SCN8A: variants seen among roughly 807,000 people sequenced by gnomAD.
SCN8A encodes sodium voltage-gated channel alpha subunit 8.
SCN8A carries 30 observed loss-of-function variants against 184.1 expected under a neutral mutation model. That is an observed-to-expected ratio of 0.16 (90% CI 0.12 to 0.22). SCN8A has a LOEUF of 0.22. SCN8A is among the 10% of genes least tolerant of loss of function. The pLI is 1.00. For missense variants in SCN8A, 1,057 were observed against 2,498.9 expected, an observed-to-expected ratio of 0.42 and a Z score of 12.30; for synonymous variants, 852 against 907.0, an observed-to-expected ratio of 0.94 and a Z score of 1.09.
At chr12:51,769,476 C>A in intron 17 of SCN8A, 141 bp downstream of exon 17, 1 of 635,670 alleles carries the variant, frequency 1.6e-6, no homozygotes, top group Non-Finnish European at 2.7e-6. Flanking sequence ...TTCCACCATC[C>A]CAGTATCATT....
chr12:51,628,222 A>G (rs1940121832), intron 1 of SCN8A, among the ~76,000 whole-genome samples: 1 of 152,234 alleles, frequency 6.6e-6, no homozygotes, highest in African/African-American at 2.4e-5. Context: ...AGTAAAGGTC[A>G]AATTGGTAAA....
intron 11 of SCN8A, chr12:51,712,989 C>T: frequency 6.3e-7 from 1 of 1,589,734 alleles, no homozygotes; most frequent in Non-Finnish European, 8.6e-7. Flanking sequence ...CGGACTGCAT[C>T]TCTTGTTTAG....
At chr12:51,701,531 G>A (rs1406711639) in intron 8 of SCN8A, among the ~76,000 whole-genome samples, 1 of 152,166 alleles carries the variant, frequency 6.6e-6, no homozygotes, top group Non-Finnish European at 1.5e-5. Context: ...TACCATCTTA[G>A]TGATGGTTAT....
At position 51,751,896 on chromosome 12, in the gene SCN8A, G is replaced by T. The variant is rs552957763; in HGVS notation, c.2370+303G>T. Among the ~76,000 whole-genome samples the T allele has an allele frequency of 3.3e-5, 5 of 152,230 alleles. No individual in the cohort carries two copies. The South Asian group carries it at 8.3e-4, about 25-fold the overall frequency. Reference sequence around the variant, plus strand: ...CAGCAGCCTGAGCCAAGTACTTCTGGTTTTTTTCCTCATTCTGTTTCTCAC... The same window carrying T: ...CAGCAGCCTGAGCCAAGTACTTCTGTTTTTTTTCCTCATTCTGTTTCTCAC... On this transcript the variant is annotated intron_variant, in intron 14 of 26. Transcript: ENST00000627620.
intron 26 of SCN8A, among the ~76,000 whole-genome samples, chr12:51,798,223 C>T (rs1163284319): frequency 6.6e-6 from 1 of 152,194 alleles, no homozygotes; most frequent in Admixed American, 6.5e-5. Context: ...CAGTGAATTC[C>T]ATGAGCATGA....
Position 51,706,673 on chromosome 12 carries a change from G to C in SCN8A, c.1593G>C (p.Leu531=). The C allele has an allele frequency of 6.3e-7, 1 of 1,592,380 alleles. No individual in the cohort carries two copies. The highest frequency in any genetic ancestry group is 8.5e-7 in the Non-Finnish European group (1 of 1,170,480). The change falls in exon 11 of 27, where the codon CTG becomes CTC. Residue 531 remains leucine, a synonymous_variant. Transcript: ENST00000627620. The stretch of plus-strand genomic sequence containing the variant: ...GCATGAGAAGGAAGGCCTTTCGGCT[G>C]CCAGACAACAGAATAGGGAGGAAAT... ...EDGMRRKAFR[L]PDNRIGRKFS...
At chr12:51,694,732 T>C (rs1264433287) in intron 6 of SCN8A, among the ~76,000 whole-genome samples, 1 of 152,200 alleles carries the variant, frequency 6.6e-6, no homozygotes, top group Non-Finnish European at 1.5e-5. Context: ...AAAAAGACAG[T>C]GTCTCTGTAT....
intron 12 of SCN8A, among the ~76,000 whole-genome samples, chr12:51,743,966 G>T (rs1942468566): frequency 6.6e-6 from 1 of 152,150 alleles, no homozygotes; most frequent in African/African-American, 2.4e-5. Flanking sequence ...GTTCGCCACT[G>T]TATCCACACC....
intron 11 of SCN8A, among the ~76,000 whole-genome samples, chr12:51,708,828 T>C (rs1390806908): frequency 3.9e-5 from 6 of 152,230 alleles, no homozygotes; most frequent in African/African-American, 1.2e-4. Flanking sequence ...GTTCTCATCA[T>C]TCATGTAGTA....
rs914429983 is a variant in SCN8A, at chr12:51,809,654, A to G, written c.*2225A>G. On this transcript the variant is annotated 3_prime_UTR_variant, in exon 27 of 27. Transcript: ENST00000627620. Reference sequence around the variant, plus strand: ...GGCTACATTGTAAACAGCACAAAACAGAAGCTGACATGTGTGGTTATTCTT... The same window carrying G: ...GGCTACATTGTAAACAGCACAAAACGGAAGCTGACATGTGTGGTTATTCTT... 5.9e-5 allele frequency: 9 copies of G among 152,290 alleles called. No individual in the cohort carries two copies. Among genetic ancestry groups the G allele is most frequent in the Admixed American group, 5.2e-4 (8 of 15,290 alleles). The allele number at this position is 152,290 out of a possible 1,614,324, so 9.4% of individuals were successfully genotyped here. A position where few individuals can be genotyped will look rare whatever the true frequency, so the allele number is the denominator to read the frequency against.
chr12:51,679,437 T>A (rs1381156590), intron 2 of SCN8A, among the ~76,000 whole-genome samples: 2 of 152,192 alleles, frequency 1.3e-5, no homozygotes, highest in Non-Finnish European at 2.9e-5. Context: ...GATACGAAAT[T>A]TAAATTTCTG....
Position 51,807,965 on chromosome 12 carries a change from G to C in SCN8A, c.*536G>C, listed in dbSNP as rs1592175725. 1.2e-5 allele frequency: 2 copies of C among 165,804 alleles called. No homozygotes were observed. Among genetic ancestry groups the C allele is most frequent in the East Asian group, 3.2e-4 (2 of 6,160 alleles). The allele number at this position is 165,804 out of a possible 1,614,324, so 10.3% of individuals were successfully genotyped here. A position where few individuals can be genotyped will look rare whatever the true frequency, so the allele number is the denominator to read the frequency against. On this transcript the variant is annotated 3_prime_UTR_variant, in exon 27 of 27. Coordinates refer to ENST00000627620, the MANE Select transcript of SCN8A (RefSeq NM_001330260.2). The surrounding 1 kb of genome is among the most constrained non-coding windows in gnomAD (Gnocchi z 4.5). ...CATAAAGCGCATCTTCTCCACATGG[G>C]CTTCACGTGGTTTGGAGATGGGTGG...
At chr12:51,757,149 T>A (rs1407214072) in intron 14 of SCN8A, among the ~76,000 whole-genome samples, 1 of 152,170 alleles carries the variant, frequency 6.6e-6, no homozygotes, top group Non-Finnish European at 1.5e-5. Flanking sequence ...AGGAAGCCCT[T>A]GCAGTTTTAA....
intron 1 of SCN8A, among the ~76,000 whole-genome samples, chr12:51,631,279 C>T (rs1940191028): frequency 6.6e-6 from 1 of 152,190 alleles, no homozygotes; most frequent in Non-Finnish European, 1.5e-5. Context: ...GTGGTCAAAA[C>T]CAATGGCTAT....
At chr12:51,797,076 T>A (rs1254973622) in intron 26 of SCN8A, among the ~76,000 whole-genome samples, 2 of 152,158 alleles carry the variant, frequency 1.3e-5, no homozygotes, top group African/African-American at 2.4e-5. Context: ...CTTTGCATCC[T>A]TCAGTCCAAT....
At chr12:51,596,753 G>T (rs1012381489) in intron 1 of SCN8A, among the ~76,000 whole-genome samples, 2 of 152,128 alleles carry the variant, frequency 1.3e-5, no homozygotes, top group African/African-American at 2.4e-5. Flanking sequence ...TCCTTCTGTG[G>T]CTATCCTAGC....
rs1178976387 is a variant in SCN8A at position 51,811,711 on chromosome 12, C to T, written c.*4282C>T. The T allele has an allele frequency of 6.6e-6, 1 of 152,174 alleles. No individual in the cohort carries two copies. Among genetic ancestry groups the T allele is most frequent in the Admixed American group, 6.5e-5 (1 of 15,282 alleles). The allele number at this position is 152,174 out of a possible 1,614,324, so 9.4% of individuals were successfully genotyped here. On this transcript the variant is annotated 3_prime_UTR_variant, in exon 27 of 27. Transcript: ENST00000627620. ...GTCTCCTGGTTCAGGAACACTCTCT[C>T]AGGAGGATCTCGAAGTGCCCACTCT...
chr12:51,774,449 T>C (rs1937628899), intron 20 of SCN8A, 87 bp downstream of exon 20: 2 of 1,283,288 alleles, frequency 1.6e-6, no homozygotes, highest in Non-Finnish European at 2.2e-6. Context: ...GTAGCTGCCC[T>C]GGGCCCAGGT....
intron 6 of SCN8A, chr12:51,689,996 C>A (rs894026794): frequency 6.6e-6 from 1 of 152,138 alleles, no homozygotes; most frequent in East Asian, 1.9e-4. Context: ...CAGACCCCCC[C>A]CGAAGCCCAT....
Sources: allele counts gnomAD v4.1 joint callset (sites outside exome capture counted in the v4.1 genomes callset), GRCh38; gene constraint gnomAD v4.1.1; non-coding constraint Gnocchi (gnomAD v3.1); transcripts MANE v1.5; gene names NCBI Gene and HGNC (gene_info 2026-07-23, HGNC 2026-07-21).